CAPG: variants seen among roughly 807,000 people sequenced by gnomAD.
The protein encoded by CAPG is capping actin protein, gelsolin like.
CAPG carries 32 observed loss-of-function variants against 44.6 expected under a neutral mutation model. The observed-to-expected ratio is 0.72, with a 90% CI of 0.54 to 0.96. The LOEUF is 0.96. Ranked by LOEUF, CAPG falls within the 50% of genes least tolerant of loss-of-function variation. The pLI, the probability that CAPG is intolerant of heterozygous loss-of-function variation, is 0.00. For synonymous variants in CAPG, 175 were observed against 179.6 expected (o/e 0.97, Z 0.20); for missense variants, 412 against 438.3 (o/e 0.94, Z 0.54).
intron 5 of CAPG, among the ~76,000 whole-genome samples, chr2:85,400,917 G>A (rs1007979743): frequency 3.3e-5 from 5 of 152,212 alleles, no homozygotes; most frequent in Non-Finnish European, 7.3e-5. Flanking sequence ...GGTCTGGCAG[G>A]CAGTGAACTC....
Position 85,398,604 on chromosome 2 carries a change from C to T in CAPG, c.759+86G>A, listed in dbSNP as rs569786688. On this transcript the variant is annotated intron_variant, in intron 7 of 9. Transcript: ENST00000263867. Reference sequence around the variant, plus strand: ...AGCCCCACCTTCCCCCTGCCTTCTCCCCTCCACCCTGCTTGCATGCAGCTG... The same window carrying T: ...AGCCCCACCTTCCCCCTGCCTTCTCTCCTCCACCCTGCTTGCATGCAGCTG... 4.4e-6 allele frequency: 5 copies of T among 1,125,776 alleles called. No homozygotes were observed. The East Asian group carries it at 1.3e-4, about 29-fold the overall frequency. 69.7% of individuals were successfully genotyped at this position (1,125,776 alleles called of 1,614,324 possible).
rs1186317966 is a variant in CAPG at position 85,397,417 on chromosome 2, CA to C, written c.892+602del. Among the ~76,000 whole-genome samples the C allele has an allele frequency of 3.3e-5, 5 of 152,266 alleles. No homozygotes were observed. The East Asian group carries it at 9.6e-4, about 29-fold the overall frequency. ...TCTAGAATTTAGGAGGTGGGAACAG[CA>C]AAGAGAAAATGGCGAGGCAGTGGCT... is the stretch of plus-strand genomic sequence containing the variant. On this transcript the variant is annotated intron_variant, in intron 8 of 9. Coordinates refer to ENST00000263867, the MANE Select transcript of CAPG (RefSeq NM_001747.4).
chr2:85,399,728 CTCTT>C (rs977761254), intron 5 of CAPG, among the ~76,000 whole-genome samples: 3 of 150,558 alleles, frequency 2.0e-5, no homozygotes, highest in Non-Finnish European at 3.0e-5. Flanking sequence ...GGGCTCAAGC[CTCTT>C]TCTTTTTCTT....
downstream of CAPG, among the ~76,000 whole-genome samples, chr2:85,392,161 C>T (rs997047558): frequency 1.3e-5 from 2 of 152,138 alleles, no homozygotes; most frequent in African/African-American, 2.4e-5. Context: ...GAGGCCGAGG[C>T]GGGTGGATCA....
rs1285274036 is a variant in CAPG at position 85,395,631 on chromosome 2, A to C, written c.893-5T>G. ...CCTTCTCATTCGCTTTTCGCCCTAG[A>C]TCATAGGAAGGAGATTTTTAAAAAG... On this transcript the variant is annotated splice_region_variant and splice_polypyrimidine_tract_variant and intron_variant, in intron 8 of 9. Transcript: ENST00000263867. The surrounding 1 kb of genome is among the most constrained non-coding windows in gnomAD (Gnocchi z 4.3). 1 of 1,610,832 alleles carries C rather than the reference A, an allele frequency of 6.2e-7. No homozygotes were observed. Among genetic ancestry groups the C allele is most frequent in the East Asian group, 2.2e-5 (1 of 44,828 alleles).
At chr2:85,408,543 A>T (rs1481700799) in intron 1 of CAPG, among the ~76,000 whole-genome samples, 1 of 151,948 alleles carries the variant, frequency 6.6e-6, no homozygotes, top group Non-Finnish European at 1.5e-5. Context: ...TCACATCTCA[A>T]CTGGAGCAAG....
In CAPG at chr2:85,406,630, G is replaced by A. The variant is rs193170995; in HGVS notation, c.-14+3687C>T. Among the ~76,000 whole-genome samples, 332 of 151,986 alleles carry A rather than the reference G, an allele frequency of 2.2e-3. 1 individual carries two copies. The highest frequency in any genetic ancestry group is 7.4e-3 in the African/African-American group (305 of 41,446). On this transcript the variant is annotated intron_variant, in intron 1 of 9. Transcript: ENST00000263867. ...TCCCAGCACTTTGGGAGGCCAAGGC[G>A]GGCAGATCACCTGAGGTCGGGAGTT...
At chr2:85,405,314 G>A (rs1007465807) in intron 1 of CAPG, among the ~76,000 whole-genome samples, 1 of 152,140 alleles carries the variant, frequency 6.6e-6, no homozygotes, top group Non-Finnish European at 1.5e-5. Context: ...CATCACTAGA[G>A]GATTTCTTTT....
intron 1 of CAPG, among the ~76,000 whole-genome samples, chr2:85,408,113 C>A (rs189841272): frequency 1.3e-5 from 2 of 151,956 alleles, no homozygotes; most frequent in African/African-American, 4.8e-5. Context: ...AAGGCTGAGG[C>A]GGGTGGATCA....
chr2:85,396,448 G>A (rs79020999), intron 8 of CAPG, among the ~76,000 whole-genome samples: 1,689 of 152,192 alleles, frequency 0.011, 33 homozygotes, highest in African/African-American at 0.039. Flanking sequence ...AAACGATGCC[G>A]TGATGTGGTT....
At chr2:85,410,940 A>G (rs1216103178), upstream of CAPG, among the ~76,000 whole-genome samples, 1 of 150,700 alleles carries the variant, frequency 6.6e-6, no homozygotes, top group African/African-American at 2.4e-5. Flanking sequence ...CGCTAACCGC[A>G]GCCTTGAACT....
intron 8 of CAPG, among the ~76,000 whole-genome samples, chr2:85,397,474 C>T (rs1185651433): frequency 2.6e-5 from 4 of 152,116 alleles, no homozygotes; most frequent in African/African-American, 7.2e-5. Flanking sequence ...TTTGGGAGGC[C>T]GAGGCCGGTG....
At chr2:85,392,545 C>G (rs1350709117), downstream of CAPG, among the ~76,000 whole-genome samples, 1 of 152,160 alleles carries the variant, frequency 6.6e-6, no homozygotes, top group African/African-American at 2.4e-5. Context: ...CTCTTTAAGT[C>G]TGACCCACTG....
chr2:85,398,596 G>A, intron 7 of CAPG, 94 bp downstream of exon 7: 1 of 1,037,682 alleles, frequency 9.6e-7, no homozygotes, highest in Non-Finnish European at 1.4e-6. Context: ...CCTTCCCCCT[G>A]CCTTCTCCCC....
In CAPG at chr2:85,395,022, GA is replaced by G; in HGVS notation, c.982-65del. 1 of 1,144,240 alleles carries G rather than the reference GA, an allele frequency of 8.7e-7. No homozygotes were observed. The highest frequency in any genetic ancestry group is 1.3e-6 in the Non-Finnish European group (1 of 756,368). 70.9% of individuals were successfully genotyped at this position (1,144,240 alleles called of 1,614,324 possible). A position where few individuals can be genotyped will look rare whatever the true frequency, so the allele number is the denominator to read the frequency against. ...TGCCACCTCTGCCTCTGCCCAGGAG[GA>G]CAGGAGGGGGCCAGAGCCAGGGAGG... On this transcript the variant is annotated intron_variant, in intron 9 of 9. Coordinates refer to ENST00000263867, the MANE Select transcript of CAPG (RefSeq NM_001747.4). This position sits in a 1 kb window ranked among gnomAD's most constrained non-coding sequence, Gnocchi z 4.3.
intron 1 of CAPG, among the ~76,000 whole-genome samples, chr2:85,409,487 C>A (rs895596114): frequency 6.6e-6 from 1 of 152,126 alleles, no homozygotes; most frequent in Non-Finnish European, 1.5e-5. Context: ...GTACCTTTGC[C>A]TTCCTCAGAC....
intron 1 of CAPG, among the ~76,000 whole-genome samples, chr2:85,408,555 A>AG (rs1687278875): frequency 6.6e-6 from 1 of 152,152 alleles, no homozygotes; most frequent in Admixed American, 6.5e-5. Flanking sequence ...TGGAGCAAGG[A>AG]CACACCTGAT....
At chr2:85,401,994 C>T (rs760994722) in intron 2 of CAPG, 37 bp from the exon 3 acceptor site, 1 of 1,613,576 alleles carries the variant, frequency 6.2e-7, no homozygotes, top group Non-Finnish European at 8.5e-7. Flanking sequence ...AGCCTGGACC[C>T]ACTTGCCCAA....
upstream of CAPG, chr2:85,413,868 C>G (rs1437068048): frequency 6.6e-6 from 1 of 152,292 alleles, no homozygotes; most frequent in African/African-American, 2.4e-5. Flanking sequence ...TAAGAGAGGA[C>G]CCCGGCTGTG....
Sources: allele counts gnomAD v4.1 joint callset (sites outside exome capture counted in the v4.1 genomes callset), GRCh38; gene constraint gnomAD v4.1.1; non-coding constraint Gnocchi (gnomAD v3.1); transcripts MANE v1.5; gene names NCBI Gene and HGNC (gene_info 2026-07-23, HGNC 2026-07-21).